CHODL: variants seen among roughly 807,000 people sequenced by gnomAD.
CHODL encodes chondrolectin, also known as transmembrane protein MT75.
In CHODL, 29 loss-of-function variants were observed where a neutral mutation model predicts 34.5. That is an observed-to-expected ratio of 0.84 (90% CI 0.63 to 1.15). The LOEUF (loss-of-function observed/expected upper bound fraction) is 1.15. Among genes scored for constraint, CHODL ranks in the 50% most tolerant of loss-of-function variants. The pLI is 0.00. For synonymous variants in CHODL, 125 were observed against 116.1 expected (o/e 1.08, Z -0.49); for missense variants, 332 against 332.5 (o/e 1.00, Z 0.01).
chr21:18,072,666 A>AT (rs997351561), intron 2 of CHODL, among the ~76,000 whole-genome samples: 26 of 152,054 alleles, frequency 1.7e-4, no homozygotes, highest in Middle Eastern at 3.4e-3. Flanking sequence ...GTTATTTAAG[A>AT]TAAAAAAAAA....
At chr21:18,253,408 A>G (rs1469573302) in intron 1 of CHODL, among the ~76,000 whole-genome samples, 1 of 152,140 alleles carries the variant, frequency 6.6e-6, no homozygotes, top group African/African-American at 2.4e-5. Flanking sequence ...AATCCAAGGC[A>G]GAAAGTTCTT....
intron 2 of CHODL, among the ~76,000 whole-genome samples, chr21:18,193,420 G>A (rs563972964): frequency 6.6e-6 from 1 of 152,064 alleles, no homozygotes; most frequent in Non-Finnish European, 1.5e-5. Flanking sequence ...CTTTGGCTAG[G>A]TGCGGTGGCT....
chr21:18,222,140 C>T (rs1316309760), intron 2 of CHODL, among the ~76,000 whole-genome samples: 1 of 152,112 alleles, frequency 6.6e-6, no homozygotes, highest in Non-Finnish European at 1.5e-5. Context: ...GTAGTGGCCT[C>T]AGGTTGGTGG....
intron 2 of CHODL, among the ~76,000 whole-genome samples, chr21:18,215,902 A>G (rs907852240): frequency 1.1e-4 from 17 of 152,310 alleles, no homozygotes; most frequent in African/African-American, 3.8e-4. Context: ...TGACATTTTT[A>G]TCTGGGTGAA....
At chr21:18,202,157 T>C (rs2073662234) in intron 2 of CHODL, among the ~76,000 whole-genome samples, 1 of 152,188 alleles carries the variant, frequency 6.6e-6, no homozygotes, top group South Asian at 2.1e-4. Flanking sequence ...CTTCTTTCAA[T>C]TGTTATAAAA....
rs547280174 is a variant in CHODL at position 17,988,318 on chromosome 21, C to T, written c.-144-39554C>T. Among the ~76,000 whole-genome samples, 7 of 151,560 alleles carry T rather than the reference C, an allele frequency of 4.6e-5. No homozygotes were observed. In the South Asian group the frequency reaches 1.5e-3, roughly 32 times the overall value. On this transcript the variant is annotated intron_variant, in intron 1 of 6. Coordinates refer to the CHODL transcript ENST00000400127. ...GCTTCAAGTTTAGCTGGGCCAACCT[C>T]ATCTACCTGGACACAGCTAACTGGT... is the stretch of plus-strand genomic sequence containing the variant.
At chr21:17,981,488 A>G (rs953005237) in intron 1 of CHODL, among the ~76,000 whole-genome samples, 6 of 152,322 alleles carry the variant, frequency 3.9e-5, no homozygotes, top group Non-Finnish European at 7.3e-5. Context: ...GAGGCCTCCA[A>G]ACTCTTGTAA....
intron 2 of CHODL, among the ~76,000 whole-genome samples, chr21:18,175,629 C>A (rs751984232): frequency 2.6e-5 from 4 of 151,932 alleles, no homozygotes; most frequent in Non-Finnish European, 4.4e-5. Context: ...TCCTTCCCTC[C>A]TGGAATTTAT....
Position 18,260,190 on chromosome 21 carries a change from T to C in CHODL, c.548-10T>C. On this transcript the variant is annotated splice_polypyrimidine_tract_variant and intron_variant, in intron 3 of 5. Transcript: ENST00000299295. ...TCATTATATATGATGGTGGTTCTTA[T>C]TATTTACAGAGATTAATCCAACAGC... is the stretch of plus-strand genomic sequence containing the variant. The C allele has an allele frequency of 7.0e-7, 1 of 1,423,040 alleles. No individual in the cohort carries two copies. The highest frequency in any genetic ancestry group is 9.5e-7 in the Non-Finnish European group (1 of 1,052,378). 88.2% of individuals were successfully genotyped at this position (1,423,040 alleles called of 1,614,324 possible).
At chr21:17,920,981 G>T (rs879383382) in intron 1 of CHODL, among the ~76,000 whole-genome samples, 5 of 152,136 alleles carry the variant, frequency 3.3e-5, no homozygotes, top group African/African-American at 1.2e-4. Flanking sequence ...ACATTTCCAA[G>T]CTCCCTTGCA....
chr21:18,031,851 A>C, intron 2 of CHODL, among the ~76,000 whole-genome samples: 1 of 152,124 alleles, frequency 6.6e-6, no homozygotes, highest in Admixed American at 6.6e-5. Flanking sequence ...GAATGAAGAG[A>C]GTTCAAATTA....
chr21:18,261,439 G>A (rs1025627306), intron 4 of CHODL, among the ~76,000 whole-genome samples: 32 of 152,110 alleles, frequency 2.1e-4, no homozygotes, highest in African/African-American at 7.0e-4. Context: ...GCTGAGGCAG[G>A]TGGGTCACCT....
intron 2 of CHODL, among the ~76,000 whole-genome samples, chr21:18,209,086 G>A (rs977770880): frequency 1.3e-5 from 2 of 152,170 alleles, no homozygotes; most frequent in Non-Finnish European, 2.9e-5. Context: ...AGTCAGCCAG[G>A]CTTGTATTCT....
At chr21:18,004,615 ACT>A (rs2063942701) in intron 1 of CHODL, among the ~76,000 whole-genome samples, 1 of 152,168 alleles carries the variant, frequency 6.6e-6, no homozygotes, top group Non-Finnish European at 1.5e-5. Context: ...CAGCTCACTC[ACT>A]CACACACACA....
At position 18,249,975 on chromosome 21, in the gene CHODL, A is replaced by G. The variant is rs115491603; in HGVS notation, c.79+4673A>G. Among the ~76,000 whole-genome samples the G allele has an allele frequency of 5.3e-5, 8 of 152,248 alleles. No individual in the cohort carries two copies. The East Asian group carries it at 9.6e-4, about 18-fold the overall frequency. ...TCAACTTTTTCTAGTTGAACAGTCT[A>G]TAAGAGGGACCTTTCTGCCATCTCT... On this transcript the variant is annotated intron_variant, in intron 1 of 5. Transcript: ENST00000299295.
chr21:18,113,573 G>A lies in CHODL; in HGVS notation c.-45+85602G>A, dbSNP rs376198206. 2.1e-4 allele frequency among the ~76,000 whole-genome samples: 32 copies of A among 152,312 alleles called. No individual in the cohort carries two copies. The East Asian group carries it at 5.4e-3, about 26-fold the overall frequency. ...CCGCATGGCTGGAGCAGGAGGAAGA[G>A]AGAGAGTGGGGAAGTGCTACTGCTA... On this transcript the variant is annotated intron_variant, in intron 2 of 6. Transcript: ENST00000400127.
At chr21:18,056,770 C>T (rs2064587160) in intron 2 of CHODL, among the ~76,000 whole-genome samples, 1 of 151,976 alleles carries the variant, frequency 6.6e-6, no homozygotes, top group Non-Finnish European at 1.5e-5. Flanking sequence ...AATCATGCTC[C>T]ATGAATGTAA....
intron 2 of CHODL, among the ~76,000 whole-genome samples, chr21:18,068,957 A>G (rs1459041236): frequency 2.0e-5 from 3 of 152,148 alleles, no homozygotes; most frequent in Admixed American, 6.6e-5. Context: ...TAGCATTTGC[A>G]TCATTTTCCA....
intron 2 of CHODL, among the ~76,000 whole-genome samples, chr21:18,040,697 TC>T (rs2064364665): frequency 6.6e-6 from 1 of 151,914 alleles, no homozygotes; most frequent in Admixed American, 6.6e-5. Context: ...TTATAGGTAA[TC>T]AAATTTCATA....
Sources: allele counts gnomAD v4.1 joint callset (sites outside exome capture counted in the v4.1 genomes callset), GRCh38; gene constraint gnomAD v4.1.1; transcripts MANE v1.5; gene names NCBI Gene and HGNC (gene_info 2026-07-23, HGNC 2026-07-21).